The following RAP2A variants were observed in gnomAD, a reference collection of about 807,000 sequenced individuals.
RAP2A encodes RAP2A, member of RAS oncogene family.
Under a neutral mutation model 15.1 loss-of-function variants are expected in RAP2A, and 5 were observed. The observed-to-expected ratio is 0.33, with a 90% confidence interval of 0.17 to 0.70. The LOEUF is 0.70. Among genes scored for constraint, RAP2A ranks in the 30% least tolerant of loss-of-function variants. The probability of loss-of-function intolerance (pLI) is 0.68; values close to 1 mark genes in which losing one functional copy is unlikely to be tolerated. For synonymous variants in RAP2A, 110 were observed against 99.7 expected (o/e 1.10, Z -0.62); for missense variants, 111 against 240.3 (o/e 0.46, Z 3.56).
In RAP2A at chr13:97,464,596, T is replaced by C. The variant is rs2066762493; in HGVS notation, c.*154T>C. 5.6e-6 allele frequency: 4 copies of C among 720,546 alleles called. No individual in the cohort carries two copies. The highest frequency in any genetic ancestry group is 4.6e-6 in the Non-Finnish European group (2 of 432,808). The allele number at this position is 720,546 out of a possible 1,614,324, so 44.6% of individuals were successfully genotyped here. A position where few individuals can be genotyped will look rare whatever the true frequency, so the allele number is the denominator to read the frequency against. On this transcript the variant is annotated 3_prime_UTR_variant, in exon 2 of 2. Transcript: ENST00000245304. ...ATTGAGCAGTGATTGTCAGTTGATA[T>C]CTCTGAGTAACATTTGGGTTCAGTA...
Position 97,465,237 on chromosome 13 carries a change from G to A in RAP2A, c.*795G>A, listed in dbSNP as rs1412800469. The A allele has an allele frequency of 6.6e-6, 1 of 152,584 alleles. No individual in the cohort carries two copies. Among genetic ancestry groups the A allele is most frequent in the Non-Finnish European group, 1.5e-5 (1 of 68,042 alleles). 9.5% of individuals were successfully genotyped at this position (152,584 alleles called of 1,614,324 possible). On this transcript the variant is annotated 3_prime_UTR_variant, in exon 2 of 2. Transcript: ENST00000245304. Reference sequence around the variant, plus strand: ...GTCTTTATAACTTTACTGAACAAGAGGGAAGCAACTGTGATGGGAAGAGAT... The same window carrying A: ...GTCTTTATAACTTTACTGAACAAGAAGGAAGCAACTGTGATGGGAAGAGAT...
Position 97,469,083 on chromosome 13 carries a change from A to G in RAP2A, c.*4641A>G, listed in dbSNP as rs2066784585. The G allele has an allele frequency of 6.6e-6, 1 of 152,170 alleles. No homozygotes were observed. The highest frequency in any genetic ancestry group is 2.4e-5 in the African/African-American group (1 of 41,430). 9.4% of individuals were successfully genotyped at this position (152,170 alleles called of 1,614,324 possible). ...AATGGATCATTCCAACTGGTTTTAC[A>G]TCGTTGAATATTATCTAGTATTTTT... On this transcript the variant is annotated 3_prime_UTR_variant, in exon 2 of 2. Transcript: ENST00000245304.
chr13:97,438,760 G>T (rs1381012521), intron 1 of RAP2A, among the ~76,000 whole-genome samples: 2 of 152,112 alleles, frequency 1.3e-5, no homozygotes, highest in Non-Finnish European at 1.5e-5. Context: ...TTATTTGTGT[G>T]ATAATTTATG....
intron 1 of RAP2A, among the ~76,000 whole-genome samples, chr13:97,444,639 C>T (rs1241151994): frequency 1.3e-5 from 2 of 152,106 alleles, no homozygotes; most frequent in African/African-American, 4.8e-5. Context: ...CCAAAATGTC[C>T]TATAAATGGG....
rs746349999 is a variant in RAP2A, at chr13:97,467,224, A to C, written c.*2782A>C. The C allele has an allele frequency of 1.1e-4, 17 of 152,512 alleles. No homozygotes were observed. Among genetic ancestry groups the C allele is most frequent in the Non-Finnish European group, 2.2e-4 (15 of 68,010 alleles). 9.4% of individuals were successfully genotyped at this position (152,512 alleles called of 1,614,324 possible). A position where few individuals can be genotyped will look rare whatever the true frequency, so the allele number is the denominator to read the frequency against. On this transcript the variant is annotated 3_prime_UTR_variant, in exon 2 of 2. Transcript: ENST00000245304. The stretch of plus-strand genomic sequence containing the variant: ...TGTTGCAACTTTTGGGTTCTTTTAA[A>C]CTGTGATAGTGATGGTAACTGATGC...
intron 1 of RAP2A, chr13:97,437,517 A>C (rs972205970): frequency 6.6e-6 from 1 of 152,228 alleles, no homozygotes; most frequent in Non-Finnish European, 1.5e-5. Flanking sequence ...GTACACAGAA[A>C]TTGCTCAAAA....
intron 1 of RAP2A, among the ~76,000 whole-genome samples, chr13:97,448,527 CAATT>C (rs2066689096): frequency 1.3e-5 from 2 of 152,102 alleles, no homozygotes; most frequent in Admixed American, 6.5e-5. Context: ...ACCTAAGTAT[CAATT>C]AATGTTTGTT....
intron 1 of RAP2A, among the ~76,000 whole-genome samples, chr13:97,452,859 C>T (rs1353853137): frequency 6.6e-6 from 1 of 151,272 alleles, no homozygotes; most frequent in Non-Finnish European, 1.5e-5. Context: ...TCTTTTACAT[C>T]TTTAACTAGA....
rs770630308 is a variant in RAP2A at position 97,464,274 on chromosome 13, C to A, written c.384C>A (p.Ser128=). The A allele has an allele frequency of 1.9e-6, 3 of 1,614,200 alleles. No individual in the cohort carries two copies. The Admixed American group carries it at 5.0e-5, about 27-fold the overall frequency. Residue 128 remains serine, a synonymous_variant, in exon 2 of 2, where the codon TCC becomes TCA. Coordinates refer to ENST00000245304, the MANE Select transcript of RAP2A (RefSeq NM_021033.7). ...TGGAAAGTGAGAGAGAAGTATCGTCCAGCGAAGGCAGAGCCCTTGCTGAAG... is the reference window on the plus strand; with the variant it reads ...TGGAAAGTGAGAGAGAAGTATCGTCAAGCGAAGGCAGAGCCCTTGCTGAAG... ...VDLESEREVS[S]SEGRALAEEW... is the part of the protein sequence containing the mutation.
intron 1 of RAP2A, among the ~76,000 whole-genome samples, chr13:97,449,076 A>G (rs1566473216): frequency 6.6e-6 from 1 of 152,004 alleles, no homozygotes; most frequent in Non-Finnish European, 1.5e-5. Flanking sequence ...TAAGCCAACA[A>G]AGTGACCGCA....
chr13:97,464,746 G>C lies in RAP2A; in HGVS notation c.*304G>C. On this transcript the variant is annotated 3_prime_UTR_variant, in exon 2 of 2. Coordinates refer to ENST00000245304, the MANE Select transcript of RAP2A (RefSeq NM_021033.7). The stretch of plus-strand genomic sequence containing the variant: ...TGGCATTGTCGCTGAGTTGACAGAA[G>C]CAACTATTGTACAAATTAAAAATAA... 1 of 325,818 alleles carries C rather than the reference G, an allele frequency of 3.1e-6. No individual in the cohort carries two copies. The highest frequency in any genetic ancestry group is 5.5e-5 in the East Asian group (1 of 18,320). 20.2% of individuals were successfully genotyped at this position (325,818 alleles called of 1,614,324 possible).
intron 1 of RAP2A, among the ~76,000 whole-genome samples, chr13:97,438,604 A>AT (rs915210343): frequency 5.9e-5 from 9 of 152,084 alleles, no homozygotes; most frequent in Admixed American, 3.9e-4. Context: ...GAGTTAAAAG[A>AT]TTTTTCCCCA....
chr13:97,441,967 G>A, intron 1 of RAP2A: 1 of 201,916 alleles, frequency 5.0e-6, no homozygotes, highest in Non-Finnish European at 1.0e-5. Flanking sequence ...ATTATATATT[G>A]CCATTTCATT....
At chr13:97,463,680 C>A (rs142389958) in intron 1 of RAP2A, among the ~76,000 whole-genome samples, 3 of 152,208 alleles carry the variant, frequency 2.0e-5, no homozygotes, top group African/African-American at 7.2e-5. Context: ...ACCTCTGCCT[C>A]CCAGGTTCAA....
chr13:97,462,850 G>T (rs773823067), intron 1 of RAP2A, among the ~76,000 whole-genome samples: 41 of 152,354 alleles, frequency 2.7e-4, no homozygotes, highest in Non-Finnish European at 5.0e-4. Context: ...TGCTTTACAA[G>T]TTAGGATGAG....
At chr13:97,441,200 T>A (rs2153179173) in intron 1 of RAP2A, among the ~76,000 whole-genome samples, 1 of 152,230 alleles carries the variant, frequency 6.6e-6, no homozygotes, top group East Asian at 1.9e-4. Flanking sequence ...ATATGAACCT[T>A]AAAGAATCAG....
chr13:97,450,878 C>T (rs1321127467), intron 1 of RAP2A, among the ~76,000 whole-genome samples: 3 of 152,068 alleles, frequency 2.0e-5, no homozygotes, highest in East Asian at 3.9e-4. Flanking sequence ...ACTGTGACAT[C>T]TTGATATGCC....
chr13:97,451,570 C>G (rs2066702395), intron 1 of RAP2A, among the ~76,000 whole-genome samples: 1 of 152,144 alleles, frequency 6.6e-6, no homozygotes, highest in African/African-American at 2.4e-5. Flanking sequence ...ATTAATTGTT[C>G]TGTCGATGGG....
chr13:97,440,052 G>A (rs912411434), intron 1 of RAP2A, among the ~76,000 whole-genome samples: 1 of 151,946 alleles, frequency 6.6e-6, no homozygotes, highest in Non-Finnish European at 1.5e-5. Flanking sequence ...TAGATCTTTG[G>A]CCCATGACAG....
Sources: gnomAD v4.1 joint callset for allele counts (sites outside exome capture counted in the v4.1 genomes callset) on GRCh38, gnomAD v4.1.1 for gene constraint, MANE v1.5 for transcripts, NCBI Gene and HGNC (gene_info 2026-07-23, HGNC 2026-07-21) for gene names.